PVT1: variants seen among roughly 807,000 people sequenced by gnomAD.
The protein encoded by PVT1 is CXCR4/PVT1 fusion.
chr8:127,913,152 T>A (rs1239614921), intron 3 of PVT1, among the ~76,000 whole-genome samples: 1 of 152,208 alleles, frequency 6.6e-6, no homozygotes, highest in East Asian at 1.9e-4. Flanking sequence ...GCTTGGCCTC[T>A]TCCCTCCCTT....
At chr8:127,945,507 C>G (rs192991750) in intron 3 of PVT1, among the ~76,000 whole-genome samples, 12 of 152,258 alleles carry the variant, frequency 7.9e-5, no homozygotes, top group Non-Finnish European at 1.6e-4. Flanking sequence ...CTGGTAGTTC[C>G]CCTGATTGCC....
chr8:128,013,658 T>C (rs188790496), intron 4 of PVT1, among the ~76,000 whole-genome samples: 14 of 152,268 alleles, frequency 9.2e-5, no homozygotes, highest in Admixed American at 5.9e-4. Flanking sequence ...GAACAAATGG[T>C]CCTTATTCGT....
intron 2 of PVT1, among the ~76,000 whole-genome samples, chr8:127,882,959 T>A (rs1277016857): frequency 6.6e-6 from 1 of 152,098 alleles, no homozygotes; most frequent in Non-Finnish European, 1.5e-5. Context: ...ACAACATGAC[T>A]GGTCCCTTCT....
At chr8:128,043,966 A>G (rs1474314789) in intron 4 of PVT1, among the ~76,000 whole-genome samples, 1 of 150,608 alleles carries the variant, frequency 6.6e-6, no homozygotes, top group Non-Finnish European at 1.5e-5. Context: ...AGCTGGGACT[A>G]CAGACATGCA....
chr8:127,968,718 C>T lies in PVT1; in HGVS notation n.783-20444C>T, dbSNP rs183074756. Among the ~76,000 whole-genome samples the T allele has an allele frequency of 4.6e-5, 7 of 152,112 alleles. No individual in the cohort carries two copies. The South Asian group carries it at 6.2e-4, about 14-fold the overall frequency. On this transcript the variant is annotated intron_variant and non_coding_transcript_variant, in intron 3 of 10. Transcript: ENST00000651587. Reference sequence around the variant, plus strand: ...CCTTAGTTGGAAGGATCTTTGAGGGCGTAATAAAGTTATGGTGAGGTCATC... The same window carrying T: ...CCTTAGTTGGAAGGATCTTTGAGGGTGTAATAAAGTTATGGTGAGGTCATC...
In PVT1 at chr8:127,957,533, A is replaced by G. The variant is rs995055358; in HGVS notation, n.783-31629A>G. The stretch of plus-strand genomic sequence containing the variant: ...CAGTGAGCCGAGATTGCGCCACTGC[A>G]CTCCAGCCTGGTGACAGAGCGAGAC... On this transcript the variant is annotated intron_variant and non_coding_transcript_variant, in intron 3 of 10. Transcript: ENST00000651587. 2.1e-5 allele frequency among the ~76,000 whole-genome samples: 3 copies of G among 142,828 alleles called. No individual in the cohort carries two copies. In the South Asian group the frequency reaches 6.7e-4, roughly 32 times the overall value. The allele number at this position is 142,828 out of a possible 152,430, so 93.7% of individuals were successfully genotyped here.
chr8:127,892,492 CTT>C (rs1362724637), intron 3 of PVT1, among the ~76,000 whole-genome samples: 2 of 152,160 alleles, frequency 1.3e-5, no homozygotes, highest in African/African-American at 4.8e-5. Flanking sequence ...ATATATATGA[CTT>C]AGCCCAGCAA....
chr8:127,984,837 T>TTTTCTTTTCCTTC (rs1196758951), intron 3 of PVT1, among the ~76,000 whole-genome samples: 1 of 81,282 alleles, frequency 1.2e-5, no homozygotes, highest in African/African-American at 4.3e-5. Context: ...CTTTCTTTTC[T>TTTTCTTTTCCTTC]TTTCTTTCTT....
At chr8:127,798,878 A>C (rs1814430246) in intron 2 of PVT1, among the ~76,000 whole-genome samples, 1 of 152,016 alleles carries the variant, frequency 6.6e-6, no homozygotes, top group African/African-American at 2.4e-5. Flanking sequence ...TGTCTCAAAA[A>C]ACAAACAACC....
chr8:127,800,681 G>A (rs1814454330), intron 2 of PVT1, among the ~76,000 whole-genome samples: 1 of 151,796 alleles, frequency 6.6e-6, no homozygotes, highest in Non-Finnish European at 1.5e-5. Context: ...CCACTAAATT[G>A]TAACCCATTC....
chr8:127,908,993 G>A (rs1815858206), intron 3 of PVT1, among the ~76,000 whole-genome samples: 2 of 152,182 alleles, frequency 1.3e-5, no homozygotes, highest in African/African-American at 2.4e-5. Flanking sequence ...TGTCCTCTTA[G>A]CTTATAGACG....
At chr8:127,832,634 G>A (rs551370901) in intron 2 of PVT1, among the ~76,000 whole-genome samples, 10 of 152,294 alleles carry the variant, frequency 6.6e-5, no homozygotes, top group Admixed American at 3.3e-4. Context: ...CAAGGCGGGC[G>A]GATCACGAGG....
At chr8:127,798,897 C>T (rs1251809898) in intron 2 of PVT1, among the ~76,000 whole-genome samples, 1 of 151,838 alleles carries the variant, frequency 6.6e-6, no homozygotes, top group Non-Finnish European at 1.5e-5. Flanking sequence ...CCGCCTCGGT[C>T]TTTGTGCAAA....
chr8:127,933,550 G>A (rs1338318305), intron 3 of PVT1, among the ~76,000 whole-genome samples: 2 of 152,200 alleles, frequency 1.3e-5, no homozygotes, highest in Non-Finnish European at 1.5e-5. Context: ...GACCCTGTGC[G>A]TGAGATGTGT....
intron 4 of PVT1, among the ~76,000 whole-genome samples, chr8:128,026,486 A>T (rs1274960205): frequency 1.3e-5 from 2 of 152,108 alleles, no homozygotes; most frequent in Non-Finnish European, 2.9e-5. Flanking sequence ...GCTGAGGCTC[A>T]CAGAGGAGAA....
At chr8:127,977,828 T>C (rs2129974176) in intron 3 of PVT1, among the ~76,000 whole-genome samples, 2 of 152,340 alleles carry the variant, frequency 1.3e-5, no homozygotes, top group East Asian at 3.9e-4. Flanking sequence ...CTTATCACTA[T>C]AGGATTAAGT....
intron 5 of PVT1, among the ~76,000 whole-genome samples, chr8:128,079,891 A>AT (rs1038170608): frequency 5.7e-4 from 86 of 152,026 alleles, no homozygotes; most frequent in African/African-American, 1.9e-3. Flanking sequence ...TGCCTGGCTA[A>AT]TTTTTTGTAT....
chr8:127,880,645 G>C (rs1049284755), intron 2 of PVT1, among the ~76,000 whole-genome samples: 4 of 144,586 alleles, frequency 2.8e-5, no homozygotes, highest in African/African-American at 1.0e-4. Flanking sequence ...CTGTCTCCCA[G>C]GCTGGAGTGC....
intron 2 of PVT1, among the ~76,000 whole-genome samples, chr8:127,824,947 G>A (rs1371805508): frequency 6.6e-6 from 1 of 151,724 alleles, no homozygotes; most frequent in Non-Finnish European, 1.5e-5. Context: ...TGGTGAAACC[G>A]CATCTCCACT....
Sources: allele counts gnomAD v4.1 joint callset (sites outside exome capture counted in the v4.1 genomes callset), GRCh38; gene constraint gnomAD v4.1.1; transcripts MANE v1.5; gene names NCBI Gene and HGNC (gene_info 2026-07-23, HGNC 2026-07-21).